Variants in HDAC4 observed in about 807,000 individuals in gnomAD.
The protein encoded by HDAC4 is histone deacetylase 4.
In HDAC4, 16 loss-of-function variants were observed where a neutral mutation model predicts 135.1. The observed-to-expected ratio is 0.12, with a 90% CI of 0.08 to 0.18. The LOEUF (loss-of-function observed/expected upper bound fraction) is 0.18, where lower values mean the gene tolerates loss of function less well. Ranked by LOEUF, HDAC4 falls within the 10% of genes least tolerant of loss-of-function variation. The pLI, the probability that HDAC4 is intolerant of heterozygous loss-of-function variation, is 1.00. For synonymous variants in HDAC4, 685 were observed against 653.4 expected, an observed-to-expected ratio of 1.05 and a Z score of -0.74; for missense variants, 1,143 against 1,511.8, an observed-to-expected ratio of 0.76 and a Z score of 4.05.
At chr2:239,387,904 A>G (rs1695935018) in intron 1 of HDAC4, among the ~76,000 whole-genome samples, 1 of 152,110 alleles carries the variant, frequency 6.6e-6, no homozygotes. Flanking sequence ...TGGGCTCAGG[A>G]GCAGCAGCCA....
At position 239,112,726 on chromosome 2, in the gene HDAC4, C is replaced by T. The variant is rs555574475; in HGVS notation, c.1792-1014G>A. On this transcript the variant is annotated intron_variant, in intron 13 of 26. Transcript: ENST00000543185. ...GCTGAGGGAGAGCACAGCAACCTGC[C>T]ACCCAGGCCGAGGCACAAAGAAAGC... 8.5e-5 allele frequency among the ~76,000 whole-genome samples: 13 copies of T among 152,364 alleles called. No individual in the cohort carries two copies. In the South Asian group the frequency reaches 1.4e-3, roughly 17 times the overall value.
chr2:239,170,934 G>A (rs1028874821), intron 5 of HDAC4, among the ~76,000 whole-genome samples: 3 of 152,166 alleles, frequency 2.0e-5, no homozygotes, highest in Admixed American at 6.5e-5. Context: ...TATGAGTAAC[G>A]ATGGCCAGAA....
At chr2:239,257,894 C>T (rs2049135518) in intron 2 of HDAC4, among the ~76,000 whole-genome samples, 1 of 152,136 alleles carries the variant, frequency 6.6e-6, no homozygotes, top group African/African-American at 2.4e-5. Context: ...CCCTCAGGTG[C>T]TCCAGATAAT....
At chr2:239,083,700 A>T (rs1373217080) in intron 20 of HDAC4, among the ~76,000 whole-genome samples, 2 of 152,182 alleles carry the variant, frequency 1.3e-5, no homozygotes, top group Non-Finnish European at 2.9e-5. Flanking sequence ...TTTTGGGGGC[A>T]GTGGCACCCC....
intron 2 of HDAC4, among the ~76,000 whole-genome samples, chr2:239,254,683 G>A (rs926221769): frequency 6.6e-6 from 1 of 152,182 alleles, no homozygotes; most frequent in Non-Finnish European, 1.5e-5. Context: ...CATAGACCTA[G>A]TATGAGTTCC....
chr2:239,209,604 T>C (rs997056075), intron 3 of HDAC4, among the ~76,000 whole-genome samples: 1 of 152,218 alleles, frequency 6.6e-6, no homozygotes, highest in African/African-American at 2.4e-5. Context: ...ATCCTTGGAA[T>C]AGAAAACTCA....
At chr2:239,341,264 C>T (rs908186334) in intron 2 of HDAC4, among the ~76,000 whole-genome samples, 4 of 152,260 alleles carry the variant, frequency 2.6e-5, no homozygotes, top group Non-Finnish European at 4.4e-5. Context: ...GGGCGAAGGC[C>T]GCCTTTGCTC....
chr2:239,168,294 G>A (rs1263236013), intron 5 of HDAC4, among the ~76,000 whole-genome samples: 6 of 152,164 alleles, frequency 3.9e-5, no homozygotes, highest in East Asian at 1.9e-4. Context: ...CACACTGCTC[G>A]GGCCGAGTCC....
At position 239,051,716 on chromosome 2, in the gene HDAC4, A is replaced by G. The variant is rs1453360455; in HGVS notation, c.*1381T>C. 1 of 152,588 alleles carries G rather than the reference A, an allele frequency of 6.6e-6. No homozygotes were observed. The highest frequency in any genetic ancestry group is 1.5e-5 in the Non-Finnish European group (1 of 68,046). 9.5% of individuals were successfully genotyped at this position (152,588 alleles called of 1,614,324 possible). A position where few individuals can be genotyped will look rare whatever the true frequency, so the allele number is the denominator to read the frequency against. On this transcript the variant is annotated 3_prime_UTR_variant, in exon 27 of 27. Coordinates refer to ENST00000543185, the MANE Select transcript of HDAC4 (RefSeq NM_001378414.1). ...TTGCCCAGTGGCGAATGTGTTGGCG[A>G]TCTGAAATCTAGCCAATCTGGAGCT...
At position 239,304,467 on chromosome 2, in the gene HDAC4, C is replaced by T. The variant is rs533937990; in HGVS notation, c.22+48211G>A. On this transcript the variant is annotated intron_variant, in intron 2 of 26. Coordinates refer to ENST00000543185, the MANE Select transcript of HDAC4 (RefSeq NM_001378414.1). ...GCTCAGGCCCTGCTGAACTCAGAGC[C>T]CCCATGAGGATAGAGGCTATAACGT... is the stretch of plus-strand genomic sequence containing the variant. Among the ~76,000 whole-genome samples, 7 of 152,272 alleles carry T rather than the reference C, an allele frequency of 4.6e-5. No homozygotes were observed. In the South Asian group the frequency reaches 1.4e-3, roughly 32 times the overall value.
At chr2:239,253,542 GCCT>G (rs1418964073) in intron 2 of HDAC4, among the ~76,000 whole-genome samples, 1 of 152,174 alleles carries the variant, frequency 6.6e-6, no homozygotes, top group Non-Finnish European at 1.5e-5. Context: ...AAAGCACAGA[GCCT>G]CCTCATGTCC....
chr2:239,347,946 ACACGTCCCAGCAAATC>A (rs1418933261), intron 2 of HDAC4, among the ~76,000 whole-genome samples: 11 of 151,642 alleles, frequency 7.3e-5, no homozygotes, highest in East Asian at 1.9e-4. Flanking sequence ...GTGACCATAG[ACACGTCCCAGCAAATC>A]CACGTCCCAG....
intron 25 of HDAC4, among the ~76,000 whole-genome samples, chr2:239,054,033 G>A (rs1297934847): frequency 6.6e-6 from 1 of 152,006 alleles, no homozygotes; most frequent in Non-Finnish European, 1.5e-5. Flanking sequence ...CACAGAGGCT[G>A]GGGGTGGAGG....
chr2:239,197,847 T>TTGTGTGTGCGTGTGTGTG (rs1553553324), intron 3 of HDAC4, among the ~76,000 whole-genome samples: 7 of 140,216 alleles, frequency 5.0e-5, no homozygotes, highest in African/African-American at 1.9e-4. Flanking sequence ...CACTAAAAGT[T>TTGTGTGTGCGTGTGTGTG]TGTGTGTGTG....
intron 22 of HDAC4, among the ~76,000 whole-genome samples, chr2:239,080,052 CCA>C (rs1366391678): frequency 4.0e-5 from 6 of 151,254 alleles, no homozygotes; most frequent in Admixed American, 2.0e-4. Flanking sequence ...GAACACCCAC[CCA>C]CACAGACACA....
At chr2:239,370,485 G>A (rs904864326) in intron 1 of HDAC4, among the ~76,000 whole-genome samples, 4 of 152,190 alleles carry the variant, frequency 2.6e-5, no homozygotes, top group Admixed American at 6.5e-5. Context: ...CAGTCAGCAC[G>A]GGCACTCTGG....
chr2:239,054,706 C>A (rs1443950940), intron 25 of HDAC4, 43 bp downstream of exon 25: 3 of 1,292,068 alleles, frequency 2.3e-6, no homozygotes, highest in Admixed American at 1.7e-5. Context: ...CAGTCCCACC[C>A]CCAGGGGCGT....
chr2:239,308,972 T>C lies in HDAC4; in HGVS notation c.22+43706A>G, dbSNP rs906558655. ...GCTGAGTTCAAACATTCTAAACGGA[T>C]TCTTGATAACAAGCCGCCGGCTCGC... On this transcript the variant is annotated intron_variant, in intron 2 of 26. Transcript: ENST00000543185. This position sits in a 1 kb window ranked among gnomAD's most constrained non-coding sequence, Gnocchi z 4.2. 4.6e-5 allele frequency: 7 copies of C among 152,174 alleles called. No homozygotes were observed. Among genetic ancestry groups the C allele is most frequent in the African/African-American group, 1.7e-4 (7 of 41,432 alleles). 9.4% of individuals were successfully genotyped at this position (152,174 alleles called of 1,614,324 possible).
At chr2:239,366,847 C>A (rs758608945) in intron 1 of HDAC4, among the ~76,000 whole-genome samples, 1 of 149,786 alleles carries the variant, frequency 6.7e-6, no homozygotes, top group Non-Finnish European at 1.5e-5. Flanking sequence ...AGGGCACCCC[C>A]AGGGCAGGTG....
Sources: gnomAD v4.1 joint callset for allele counts (sites outside exome capture counted in the v4.1 genomes callset) on GRCh38, gnomAD v4.1.1 for gene constraint, Gnocchi (gnomAD v3.1) non-coding constraint, MANE v1.5 for transcripts, NCBI Gene and HGNC (gene_info 2026-07-23, HGNC 2026-07-21) for gene names.